Variants in FOXO1 observed in about 807,000 individuals in gnomAD.
The protein encoded by FOXO1 is forkhead box protein O1.
Under a neutral mutation model 44.1 loss-of-function variants are expected in FOXO1, and 6 were observed. That is an observed-to-expected ratio of 0.14 (90% CI 0.07 to 0.27). The LOEUF (loss-of-function observed/expected upper bound fraction) is 0.27, where lower values mean the gene tolerates loss of function less well. Ranked by LOEUF, FOXO1 falls within the 10% of genes least tolerant of loss-of-function variation. The pLI, the probability that FOXO1 is intolerant of heterozygous loss-of-function variation, is 1.00. For missense variants in FOXO1, 737 were observed against 888.8 expected (o/e 0.83, Z 2.17); for synonymous variants, 380 against 362.7 (o/e 1.05, Z -0.54).
intron 1 of FOXO1, among the ~76,000 whole-genome samples, chr13:40,617,244 G>A (rs7336080): frequency 0.098 from 14,933 of 152,168 alleles, 937 homozygotes; most frequent in East Asian, 0.25. Flanking sequence ...TCAGGAGTTC[G>A]AGACCAGCCT....
chr13:40,652,554 A>G (rs746017972), intron 1 of FOXO1, among the ~76,000 whole-genome samples: 3 of 152,156 alleles, frequency 2.0e-5, no homozygotes, highest in Non-Finnish European at 2.9e-5. Flanking sequence ...ATGATTCTGC[A>G]AATTAAACCT....
At chr13:40,606,024 A>G (rs1381922648) in intron 1 of FOXO1, among the ~76,000 whole-genome samples, 1 of 152,214 alleles carries the variant, frequency 6.6e-6, no homozygotes, top group East Asian at 1.9e-4. Context: ...GAATTTACTG[A>G]AAGGCTTGTT....
chr13:40,595,117 C>T lies in FOXO1; in HGVS notation c.631-34257G>A, dbSNP rs117063120. Among the ~76,000 whole-genome samples, 97 of 152,286 alleles carry T rather than the reference C, an allele frequency of 6.4e-4. 1 individual carries two copies. In the East Asian group the frequency reaches 0.016, roughly 25 times the overall value. On this transcript the variant is annotated intron_variant, in intron 1 of 2. Transcript: ENST00000379561. ...GCTTCACATTGCAAATGAAATACAA[C>T]GTAAACAGAAAAAACTGAGATGGAG... is the stretch of plus-strand genomic sequence containing the variant.
At chr13:40,619,880 A>G (rs1876550243) in intron 1 of FOXO1, 13 of 722,200 alleles carry the variant, frequency 1.8e-5, no homozygotes, top group Middle Eastern at 2.4e-4. Context: ...AAAGCAGCAC[A>G]TGTTTGGGAA....
chr13:40,586,709 A>C (rs1215844131), intron 1 of FOXO1, among the ~76,000 whole-genome samples: 2 of 152,352 alleles, frequency 1.3e-5, no homozygotes, highest in East Asian at 3.9e-4. Context: ...AAACCTCTAC[A>C]GGGTGCAATC....
At chr13:40,607,023 T>C (rs1056370721) in intron 1 of FOXO1, among the ~76,000 whole-genome samples, 19 of 152,158 alleles carry the variant, frequency 1.2e-4, no homozygotes, top group African/African-American at 4.1e-4. Flanking sequence ...CCAAAAAATA[T>C]TGTGCCACTT....
chr13:40,663,130 T>A (rs1044500903), intron 1 of FOXO1, among the ~76,000 whole-genome samples: 4 of 152,228 alleles, frequency 2.6e-5, no homozygotes, highest in African/African-American at 9.6e-5. Flanking sequence ...AAAGCCCCAT[T>A]AGGCTCCCAC....
At chr13:40,641,732 C>A (rs1045825241) in intron 1 of FOXO1, among the ~76,000 whole-genome samples, 5 of 149,714 alleles carry the variant, frequency 3.3e-5, no homozygotes, top group Admixed American at 1.3e-4. Flanking sequence ...CACCTGTAAT[C>A]CCAGCAACTT....
chr13:40,555,680 T>G lies in FOXO1; in HGVS notation c.*3369A>C, dbSNP rs1182170384. On this transcript the variant is annotated 3_prime_UTR_variant, in exon 3 of 3. Transcript: ENST00000379561. The stretch of plus-strand genomic sequence containing the variant: ...ATGACAACATTGTGGCTGACAAGAC[T>G]TAACTCAAGTATTTAATAGCTTCAC... 4 of 152,662 alleles carry G rather than the reference T, an allele frequency of 2.6e-5. No individual in the cohort carries two copies. The highest frequency in any genetic ancestry group is 1.3e-4 in the Admixed American group (2 of 15,284). The allele number at this position is 152,662 out of a possible 1,614,324, so 9.5% of individuals were successfully genotyped here. A position where few individuals can be genotyped will look rare whatever the true frequency, so the allele number is the denominator to read the frequency against.
chr13:40,647,289 A>G (rs763085105), intron 1 of FOXO1, among the ~76,000 whole-genome samples: 22 of 152,218 alleles, frequency 1.4e-4, no homozygotes, highest in Non-Finnish European at 5.9e-5. Flanking sequence ...AGTATACAAT[A>G]TAAGCTTCAA....
Position 40,558,485 on chromosome 13 carries a change from T to C in FOXO1, c.*564A>G, listed in dbSNP as rs889176998. The C allele has an allele frequency of 2.6e-5, 5 of 189,682 alleles. No homozygotes were observed. Among genetic ancestry groups the C allele is most frequent in the Non-Finnish European group, 5.4e-5 (5 of 92,972 alleles). The allele number at this position is 189,682 out of a possible 1,614,324, so 11.7% of individuals were successfully genotyped here. The stretch of plus-strand genomic sequence containing the variant: ...GGCTACTTGGTTCTCATGTGAATTC[T>C]GTGGCAACGTGAACAGGTCCAAGGC... On this transcript the variant is annotated 3_prime_UTR_variant, in exon 3 of 3. Transcript: ENST00000379561.
At position 40,560,762 on chromosome 13, in the gene FOXO1, A is replaced by C. The variant is rs764578085; in HGVS notation, c.729T>G (p.Gly243=). The change falls in exon 2 of 3, where the codon GGT becomes GGG. Residue 243 remains glycine (G), a synonymous_variant. Transcript: ENST00000379561. This position sits in a 1 kb window ranked among gnomAD's most constrained non-coding sequence, Gnocchi z 5.1. ...TCCTAGGAGATTTCCCGCTCTTGCC[A>C]CCCTCTGGATTGAGCATCCACCAAG... ...KSSWWMLNPE[G]GKSGKSPRRR... The C allele has an allele frequency of 2.3e-5, 37 of 1,613,932 alleles. 1 individual carries two copies. The South Asian group carries it at 4.0e-4, about 17-fold the overall frequency.
At chr13:40,627,417 G>C (rs1437857985) in intron 1 of FOXO1, among the ~76,000 whole-genome samples, 1 of 152,214 alleles carries the variant, frequency 6.6e-6, no homozygotes, top group African/African-American at 2.4e-5. Context: ...GAAAGGTAAT[G>C]CTCAAATGCA....
rs189089156 is a variant in FOXO1 at position 40,606,182 on chromosome 13, C to G, written c.631-45322G>C. Among the ~76,000 whole-genome samples, 32 of 152,286 alleles carry G rather than the reference C, an allele frequency of 2.1e-4. 1 individual carries two copies. The highest frequency in any genetic ancestry group is 6.5e-4 in the Admixed American group (10 of 15,312). On this transcript the variant is annotated intron_variant, in intron 1 of 2. Transcript: ENST00000379561. ...CCTATCAAGTTGACAGTTTTCCAAA[C>G]TGAGTTTCTATCACTCTTCAACACA...
intron 1 of FOXO1, among the ~76,000 whole-genome samples, chr13:40,651,433 A>C (rs1188194828): frequency 6.6e-6 from 1 of 152,124 alleles, no homozygotes; most frequent in Non-Finnish European, 1.5e-5. Flanking sequence ...CAAAACCAGA[A>C]AAGAGGATAT....
intron 1 of FOXO1, chr13:40,619,607 G>A (rs2137900522): frequency 1.3e-6 from 2 of 1,535,352 alleles, no homozygotes; most frequent in Non-Finnish European, 9.0e-7. Context: ...AGGCAACAAA[G>A]GTCATCTAGT....
At position 40,556,731 on chromosome 13, in the gene FOXO1, A is replaced by G. The variant is rs1198154664; in HGVS notation, c.*2318T>C. 1 of 152,170 alleles carries G rather than the reference A, an allele frequency of 6.6e-6. No homozygotes were observed. Among genetic ancestry groups the G allele is most frequent in the Non-Finnish European group, 1.5e-5 (1 of 68,026 alleles). 9.4% of individuals were successfully genotyped at this position (152,170 alleles called of 1,614,324 possible). A position where few individuals can be genotyped will look rare whatever the true frequency, so the allele number is the denominator to read the frequency against. On this transcript the variant is annotated 3_prime_UTR_variant, in exon 3 of 3. Transcript: ENST00000379561. ...ATAATTACCCAGACTCAGGAGGAAG[A>G]TATATTTTCCTAAGAGCTACTCCAT...
chr13:40,648,006 T>C (rs1258134849), intron 1 of FOXO1, among the ~76,000 whole-genome samples: 1 of 152,246 alleles, frequency 6.6e-6, no homozygotes, highest in Non-Finnish European at 1.5e-5. Context: ...CATTAACTTA[T>C]AGCTGAGGAT....
intron 1 of FOXO1, among the ~76,000 whole-genome samples, chr13:40,584,150 T>C (rs1017162026): frequency 1.3e-5 from 2 of 152,136 alleles, no homozygotes; most frequent in African/African-American, 4.8e-5. Flanking sequence ...TGCAGTCTTA[T>C]ATGGGTATTA....
Sources: allele counts gnomAD v4.1 joint callset (sites outside exome capture counted in the v4.1 genomes callset), GRCh38; gene constraint gnomAD v4.1.1; non-coding constraint Gnocchi (gnomAD v3.1); transcripts MANE v1.5; gene names NCBI Gene and HGNC (gene_info 2026-07-23, HGNC 2026-07-21).